Variants in RPL3L observed in about 807,000 individuals in gnomAD.
RPL3L encodes the protein ribosomal protein L3 like.
Under a neutral mutation model 44.5 loss-of-function variants are expected in RPL3L, and 44 were observed. The observed-to-expected ratio is 0.99, with a 90% CI of 0.78 to 1.27. RPL3L has a LOEUF of 1.27. Among genes scored for constraint, RPL3L ranks in the 50% most tolerant of loss-of-function variants. RPL3L has a pLI of 0.00. For synonymous variants in RPL3L, 292 were observed against 230.7 expected, an observed-to-expected ratio of 1.27 and a Z score of -2.41; for missense variants, 631 against 569.1, an observed-to-expected ratio of 1.11 and a Z score of -1.11.
chr16:1,946,738 G>C lies in RPL3L; in HGVS notation c.850-12C>G. On this transcript the variant is annotated splice_polypyrimidine_tract_variant and intron_variant, in intron 6 of 9. Coordinates refer to ENST00000268661, the MANE Select transcript of RPL3L (RefSeq NM_005061.3). ...CCGATGCGGAAGATCTGCCAGAAGG[G>C]GGCACATGCCAGGGGCAGGAAGTGG... 1.2e-6 allele frequency: 2 copies of C among 1,611,752 alleles called. No homozygotes were observed. The highest frequency in any genetic ancestry group is 2.2e-5 in the East Asian group (1 of 44,866).
At chr16:1,951,726 C>T (rs1407450871) in intron 3 of RPL3L, among the ~76,000 whole-genome samples, 2 of 138,036 alleles carry the variant, frequency 1.4e-5, no homozygotes, top group Admixed American at 7.5e-5. Context: ...GGGAGGTGGA[C>T]ATTATTATTA....
In RPL3L at chr16:1,945,826, A is replaced by G; in HGVS notation, c.1047+9T>C. ...GCACCCACTCCCCAGCCCACCCAGC[A>G]CTGCCAACCTTTCTCAGCGTAATGA... On this transcript the variant is annotated intron_variant, in intron 8 of 9. Coordinates refer to ENST00000268661, the MANE Select transcript of RPL3L (RefSeq NM_005061.3). 1.2e-6 allele frequency: 2 copies of G among 1,613,924 alleles called. No individual in the cohort carries two copies. Among genetic ancestry groups the G allele is most frequent in the Non-Finnish European group, 1.7e-6 (2 of 1,179,968 alleles).
chr16:1,946,785 C>G (rs1473363995), intron 6 of RPL3L, 59 bp from the exon 7 acceptor site: 1 of 1,597,580 alleles, frequency 6.3e-7, no homozygotes, highest in East Asian at 2.2e-5. Context: ...AGCAGCCCAT[C>G]CAGGCCCATC....
intron 3 of RPL3L, 42 bp downstream of exon 3, chr16:1,952,832 T>C (rs752730067): frequency 1.2e-6 from 2 of 1,606,972 alleles, no homozygotes; most frequent in East Asian, 4.5e-5. Context: ...ACTTCTGTGG[T>C]CCCAGCAGCC....
chr16:1,951,274 C>A (rs1390508358), intron 3 of RPL3L, among the ~76,000 whole-genome samples: 2 of 152,234 alleles, frequency 1.3e-5, no homozygotes, highest in African/African-American at 4.8e-5. Flanking sequence ...GCCCTGCAGT[C>A]CAGGCACCTA....
Position 1,947,041 on chromosome 16 carries a change from C to T in RPL3L, c.746G>A (p.Arg249His), listed in dbSNP as rs149043671. 1.1e-4 allele frequency: 170 copies of T among 1,613,128 alleles called. No individual in the cohort carries two copies. The highest frequency in any genetic ancestry group is 7.3e-4 in the African/African-American group (55 of 75,052). ...KLPRKTHKGLRKVACIGAWHP... is the reference protein window; with the variant it reads ...KLPRKTHKGLHKVACIGAWHP... ...CCAGGCGCCAATGCAGGCCACCTTG[C>T]GCAGGCCCTTATGGGTCTTCCGCGG... The change falls in exon 6 of 10, where the codon CGC becomes CAC. Residue 249 changes from arginine to histidine, a missense_variant. Arg to His is a conservative substitution (Grantham distance 29). Coordinates refer to ENST00000268661, the MANE Select transcript of RPL3L (RefSeq NM_005061.3).
Position 1,945,632 on chromosome 16 carries a change from GGTAAA to G in RPL3L, c.1048-19_1048-15del. 6.2e-7 allele frequency: 1 copy of G among 1,613,644 alleles called. No homozygotes were observed. The highest frequency in any genetic ancestry group is 1.3e-5 in the African/African-American group (1 of 75,026). On this transcript the variant is annotated splice_polypyrimidine_tract_variant and intron_variant, in intron 8 of 9. Coordinates refer to ENST00000268661, the MANE Select transcript of RPL3L (RefSeq NM_005061.3). ...CACCAGGAGGGACTGGGGAATCCAT[GGTAAA>G]GTAAACATCAAGTGTGGGGATCCCC... is the stretch of plus-strand genomic sequence containing the variant.
chr16:1,953,849 G>A (rs932648755), intron 2 of RPL3L, 107 bp downstream of exon 2: 2 of 1,160,636 alleles, frequency 1.7e-6, no homozygotes, highest in African/African-American at 3.2e-5. Context: ...GAGGCCTGGT[G>A]CTCCCTGGGA....
intron 3 of RPL3L, among the ~76,000 whole-genome samples, chr16:1,951,738 T>A (rs1452176136): frequency 2.8e-5 from 4 of 145,066 alleles, no homozygotes; most frequent in African/African-American, 1.0e-4. Flanking sequence ...TTATTATTAT[T>A]ATTATTATTA....
Position 1,950,879 on chromosome 16 carries a change from ACTT to A in RPL3L, c.463_465del (p.Lys155del). 1 of 1,614,062 alleles carries A rather than the reference ACTT, an allele frequency of 6.2e-7. No individual in the cohort carries two copies. Among genetic ancestry groups the A allele is most frequent in the Non-Finnish European group, 8.5e-7 (1 of 1,179,958 alleles). The stretch of plus-strand genomic sequence containing the variant: ...ACAATGACCCGAATGACCTTGCAGT[ACTT>A]CTTCATGGCGGCGAAGTCCTTCTGT... On this transcript the variant is annotated inframe_deletion, in exon 4 of 10. Transcript: ENST00000268661.
intron 4 of RPL3L, 25 bp from the exon 5 acceptor site, chr16:1,947,405 G>A (rs761416177): frequency 2.0e-5 from 31 of 1,528,574 alleles, no homozygotes; most frequent in South Asian, 4.9e-5. Flanking sequence ...CGGAGGTCAC[G>A]CCACGGCCCA....
Position 1,944,765 on chromosome 16 carries a change from T to C in RPL3L, c.*72A>G. ...GCGCTCTGAGACCTCGCAGGAAGAGTCGCCTCCGGCCTTTGTTAGACATTG... is the reference window on the plus strand; with the variant it reads ...GCGCTCTGAGACCTCGCAGGAAGAGCCGCCTCCGGCCTTTGTTAGACATTG... On this transcript the variant is annotated 3_prime_UTR_variant, in exon 10 of 10. Transcript: ENST00000268661. 6.2e-7 allele frequency: 1 copy of C among 1,600,468 alleles called. No individual in the cohort carries two copies. The highest frequency in any genetic ancestry group is 8.6e-7 in the Non-Finnish European group (1 of 1,168,560).
At position 1,954,579 on chromosome 16, in the gene RPL3L, C is replaced by A. The variant is rs183423878; in HGVS notation, c.3+50G>T. ...CCAGAAGCCCAGCTGTCCCACCCCC[C>A]CAGAGTTCCAGCTCCAACCCCAGCC... is the stretch of plus-strand genomic sequence containing the variant. On this transcript the variant is annotated intron_variant, in intron 1 of 9. Transcript: ENST00000268661. 27 of 1,528,822 alleles carry A rather than the reference C, an allele frequency of 1.8e-5. 1 individual carries two copies. In the South Asian group the frequency reaches 2.0e-4, roughly 11 times the overall value. 94.7% of individuals were successfully genotyped at this position (1,528,822 alleles called of 1,614,324 possible). A position where few individuals can be genotyped will look rare whatever the true frequency, so the allele number is the denominator to read the frequency against.
chr16:1,952,105 CG>C (rs1674262615), intron 3 of RPL3L, among the ~76,000 whole-genome samples: 1 of 151,650 alleles, frequency 6.6e-6, no homozygotes, highest in African/African-American at 2.4e-5. Context: ...TCTGCCACCA[CG>C]CCCAGCTTAT....
At chr16:1,945,130 C>A (rs532787422) in intron 9 of RPL3L, among the ~76,000 whole-genome samples, 1 of 151,976 alleles carries the variant, frequency 6.6e-6, no homozygotes, top group Non-Finnish European at 1.5e-5. Context: ...CCGAGGCGGT[C>A]GGATCATGAG....
intron 3 of RPL3L, 112 bp from the exon 4 acceptor site, chr16:1,951,091 C>T: frequency 7.1e-7 from 1 of 1,404,046 alleles, no homozygotes; most frequent in Non-Finnish European, 9.5e-7. Flanking sequence ...ACCTCTGGGA[C>T]CGCCCCCCAC....
rs754028488 is a variant in RPL3L, at chr16:1,945,583, C to T, written c.1083G>A (p.Glu361=). The T allele has an allele frequency of 4.3e-6, 7 of 1,613,950 alleles. No homozygotes were observed. The East Asian group carries it at 1.3e-4, about 31-fold the overall frequency. The change falls in exon 9 of 10, where the codon GAG becomes GAA. Residue 361 remains glutamate (E), a synonymous_variant. Coordinates refer to ENST00000268661, the MANE Select transcript of RPL3L (RefSeq NM_005061.3). Reference sequence around the variant, plus strand: ...TGTCAATGAACTTGAGCTCAATATTCTCCACGGCTTGGCGACTGTGATGCA... The same window carrying T: ...TGTCAATGAACTTGAGCTCAATATTTTCCACGGCTTGGCGACTGTGATGCA... ...LLVHHSRQAV[E]NIELKFIDTT... is the part of the protein sequence containing the mutation.
At chr16:1,947,970 C>T (rs1428199824) in intron 4 of RPL3L, among the ~76,000 whole-genome samples, 8 of 142,872 alleles carry the variant, frequency 5.6e-5, no homozygotes, top group African/African-American at 1.3e-4. Flanking sequence ...TTGAGTCTCG[C>T]TCTATCGCCC....
intron 4 of RPL3L, among the ~76,000 whole-genome samples, chr16:1,947,938 A>ATTTT (rs1158555053): frequency 7.3e-5 from 8 of 109,980 alleles, no homozygotes; most frequent in Admixed American, 2.0e-4. Context: ...ATCTGATTGG[A>ATTTT]TTTTTTTTTT....
Sources: allele counts gnomAD v4.1 joint callset (sites outside exome capture counted in the v4.1 genomes callset), GRCh38; gene constraint gnomAD v4.1.1; transcripts MANE v1.5; gene names NCBI Gene and HGNC (gene_info 2026-07-23, HGNC 2026-07-21).